HIGD1A: variants seen among roughly 807,000 people sequenced by gnomAD.
The protein encoded by HIGD1A is HIG1 domain family member 1A, mitochondrial.
HIGD1A carries 8 observed loss-of-function variants against 11.3 expected under a neutral mutation model. That is an observed-to-expected ratio of 0.71 (90% confidence interval 0.42 to 1.28). The LOEUF is 1.28. Ranked by LOEUF, HIGD1A falls within the 50% of genes most tolerant of loss-of-function variation. The pLI, the probability that HIGD1A is intolerant of heterozygous loss-of-function variation, is 0.01. For synonymous variants in HIGD1A, 32 were observed against 38.4 expected (o/e 0.83, Z 0.62); for missense variants, 107 against 118.8 (o/e 0.90, Z 0.46).
At chr3:42,799,757 C>T (rs1404521107) in intron 1 of HIGD1A, among the ~76,000 whole-genome samples, 1 of 152,060 alleles carries the variant, frequency 6.6e-6, no homozygotes, top group African/African-American at 2.4e-5. Context: ...TGCCTGGCTC[C>T]ATCTTTTTTT....
intron 1 of HIGD1A, among the ~76,000 whole-genome samples, chr3:42,795,300 C>T (rs1277115793): frequency 6.6e-6 from 1 of 151,650 alleles, no homozygotes; most frequent in Non-Finnish European, 1.5e-5. Flanking sequence ...TTCACTGCAA[C>T]CTCTGCCTCC....
chr3:42,796,764 AC>A (rs961958304), intron 1 of HIGD1A, among the ~76,000 whole-genome samples: 2 of 151,976 alleles, frequency 1.3e-5, no homozygotes, highest in African/African-American at 4.8e-5. Flanking sequence ...ATAAGATCAG[AC>A]GAGCCAGTTT....
chr3:42,803,239 G>A (rs1055405780), intron 1 of HIGD1A, among the ~76,000 whole-genome samples: 2 of 152,210 alleles, frequency 1.3e-5, no homozygotes, highest in African/African-American at 4.8e-5. Flanking sequence ...CCTTTCCACA[G>A]GGAACCTAAA....
intron 1 of HIGD1A, 167 bp downstream of exon 1, chr3:42,804,269 G>T: frequency 2.0e-6 from 3 of 1,502,174 alleles, no homozygotes; most frequent in Non-Finnish European, 2.7e-6. Context: ...GCCCATGCTC[G>T]AGGCCGGGCC....
chr3:42,792,032 T>C (rs910232017), intron 2 of HIGD1A, among the ~76,000 whole-genome samples: 5 of 152,046 alleles, frequency 3.3e-5, no homozygotes, highest in Admixed American at 6.6e-5. Context: ...TAAAGAAAAA[T>C]ATTTCATCTA....
At chr3:42,787,594 A>AAAAAAAAAATATATAT (rs1383516264) in intron 2 of HIGD1A, among the ~76,000 whole-genome samples, 3 of 141,250 alleles carry the variant, frequency 2.1e-5, no homozygotes, top group South Asian at 2.2e-4. Flanking sequence ...CCATCTCAAA[A>AAAAAAAAAATATATAT]ATATATATAT....
At chr3:42,800,823 C>T (rs1484072914) in intron 1 of HIGD1A, among the ~76,000 whole-genome samples, 3 of 151,386 alleles carry the variant, frequency 2.0e-5, no homozygotes, top group East Asian at 1.9e-4. Flanking sequence ...TGAGATGACC[C>T]GGTCCTTTAA....
At chr3:42,785,976 A>C in intron 3 of HIGD1A, 52 bp downstream of exon 3, 1 of 1,572,728 alleles carries the variant, frequency 6.4e-7, no homozygotes, top group Admixed American at 1.7e-5. Context: ...TTTGTTTGTA[A>C]AGAAATACCT....
chr3:42,786,033 G>A lies in HIGD1A; in HGVS notation c.227C>T (p.Thr76Ile), dbSNP rs1191408463. Residue 76 changes from threonine (T) to isoleucine (I), a missense_variant, in exon 3 of 4, where the codon ACT (threonine) becomes ATT (isoleucine). Thr to Ile is a moderately conservative substitution (Grantham distance 89). Transcript: ENST00000321331. ...AATTTCCTATAGGAACCTACCAACA[G>A]TCATTGCTCCTACAACAAAGCCTTG... ...AAQGFVVGAM[T>I]VGMGYSMYRE... The A allele has an allele frequency of 6.2e-7, 1 of 1,612,418 alleles. No homozygotes were observed. Among genetic ancestry groups the A allele is most frequent in the Non-Finnish European group, 8.5e-7 (1 of 1,179,922 alleles).
chr3:42,801,821 C>T (rs756025403), intron 1 of HIGD1A, among the ~76,000 whole-genome samples: 6 of 152,056 alleles, frequency 3.9e-5, no homozygotes, highest in Non-Finnish European at 7.4e-5. Context: ...CCCTTTTTTG[C>T]CTGAATCATT....
chr3:42,802,889 A>T (rs1345067384), intron 1 of HIGD1A, among the ~76,000 whole-genome samples: 1 of 152,260 alleles, frequency 6.6e-6, no homozygotes, highest in Non-Finnish European at 1.5e-5. Context: ...ATTGGCAGAT[A>T]AGAATTCTGA....
intron 1 of HIGD1A, among the ~76,000 whole-genome samples, chr3:42,798,685 G>A (rs1236332578): frequency 2.2e-4 from 2 of 9,090 alleles, no homozygotes; most frequent in African/African-American, 2.4e-4. Flanking sequence ...CCCCCCGCCC[G>A]GCCAGCCGCC....
rs1197138406 is a variant in HIGD1A at position 42,783,162 on chromosome 3, C to T, written c.*2109G>A. Among the ~76,000 whole-genome samples the T allele has an allele frequency of 1.3e-5, 2 of 151,990 alleles. No homozygotes were observed. The highest frequency in any genetic ancestry group is 2.9e-5 in the Non-Finnish European group (2 of 68,008). On this transcript the variant is annotated 3_prime_UTR_variant, in exon 4 of 4. Coordinates refer to ENST00000321331, the MANE Select transcript of HIGD1A (RefSeq NM_014056.4). ...GAACTAAGAAATGTGAGGATGACAA[C>T]AGAATGTAAATATTATATGTCCTCA...
chr3:42,804,254 C>T, intron 1 of HIGD1A, 182 bp downstream of exon 1: 2 of 1,572,630 alleles, frequency 1.3e-6, no homozygotes, highest in African/African-American at 1.4e-5. Flanking sequence ...CGACTCCTCT[C>T]ATCCGCCCAT....
intron 1 of HIGD1A, chr3:42,804,198 G>A (rs758333786): frequency 1.2e-6 from 2 of 1,609,276 alleles, no homozygotes; most frequent in East Asian, 2.3e-5. Context: ...CCATCTCCTC[G>A]CTGGCTCCGT....
intron 1 of HIGD1A, among the ~76,000 whole-genome samples, chr3:42,796,647 G>T (rs2125593633): frequency 6.6e-6 from 1 of 152,230 alleles, no homozygotes; most frequent in African/African-American, 2.4e-5. Flanking sequence ...AGGATAATTT[G>T]GTGGGTGGGG....
Position 42,784,145 on chromosome 3 carries a change from A to T in HIGD1A, c.*1126T>A, listed in dbSNP as rs947326838. On this transcript the variant is annotated 3_prime_UTR_variant, in exon 4 of 4. Coordinates refer to ENST00000321331, the MANE Select transcript of HIGD1A (RefSeq NM_014056.4). ...AATTACCCACAAAAGGAAAAAAAAT[A>T]AAACATACCATAAAGTAAAATATTT... Among the ~76,000 whole-genome samples the T allele has an allele frequency of 1.3e-5, 2 of 152,120 alleles. No individual in the cohort carries two copies. Among genetic ancestry groups the T allele is most frequent in the Admixed American group, 1.3e-4 (2 of 15,274 alleles).
intron 1 of HIGD1A, 104 bp from the exon 2 acceptor site, chr3:42,794,379 T>A: frequency 9.2e-7 from 1 of 1,087,104 alleles, no homozygotes; most frequent in Non-Finnish European, 1.3e-6. Context: ...AATCTTAGTA[T>A]ATGTTATCCA....
chr3:42,796,466 T>C (rs1198733178), intron 1 of HIGD1A, among the ~76,000 whole-genome samples: 1 of 151,428 alleles, frequency 6.6e-6, no homozygotes. Flanking sequence ...AGAGAAATCA[T>C]GTAACCGCCA....
Sources: allele counts gnomAD v4.1 joint callset (sites outside exome capture counted in the v4.1 genomes callset), GRCh38; gene constraint gnomAD v4.1.1; transcripts MANE v1.5; gene names NCBI Gene and HGNC (gene_info 2026-07-23, HGNC 2026-07-21).